SMARCAD1: variants seen among roughly 807,000 people sequenced by gnomAD.
SMARCAD1 encodes the protein SWI/SNF-related matrix-associated actin-dependent regulator of chromatin subfamily A containing DEAD/H box 1.
SMARCAD1 carries 25 observed loss-of-function variants against 127.1 expected under a neutral mutation model. The observed-to-expected ratio is 0.20, with a 90% CI of 0.14 to 0.27. SMARCAD1 has a LOEUF of 0.27. Among genes scored for constraint, SMARCAD1 ranks in the 10% least tolerant of loss-of-function variants. The pLI is 1.00. For synonymous variants in SMARCAD1, 400 were observed against 396.9 expected, an observed-to-expected ratio of 1.01 and a Z score of -0.09; for missense variants, 807 against 1,206.0, an observed-to-expected ratio of 0.67 and a Z score of 4.90.
chr4:94,254,663 ATTGT>A (rs1388002729), intron 9 of SMARCAD1, among the ~76,000 whole-genome samples: 1 of 152,122 alleles, frequency 6.6e-6, no homozygotes, highest in Non-Finnish European at 1.5e-5. Flanking sequence ...TAAAGACTAT[ATTGT>A]TTGTTCTAAC....
chr4:94,276,919 TTTTAA>T (rs780142335), intron 15 of SMARCAD1, 98 bp from the exon 16 acceptor site: 180 of 1,193,612 alleles, frequency 1.5e-4, no homozygotes, highest in Non-Finnish European at 2.1e-4. Flanking sequence ...TTAATAATGG[TTTTAA>T]TTTATCTCTC....
intron 6 of SMARCAD1, among the ~76,000 whole-genome samples, chr4:94,248,307 AC>A (rs1748766209): frequency 6.6e-6 from 1 of 152,236 alleles, no homozygotes; most frequent in East Asian, 1.9e-4. Context: ...TTATGTGTTT[AC>A]CACAATTTGT....
chr4:94,233,037 A>G (rs1421489886), intron 3 of SMARCAD1, among the ~76,000 whole-genome samples: 1 of 152,204 alleles, frequency 6.6e-6, no homozygotes, highest in Non-Finnish European at 1.5e-5. Flanking sequence ...AGATGTTCTT[A>G]GGCATCACAT....
At chr4:94,274,989 G>A (rs1370507424) in intron 14 of SMARCAD1, 24 bp downstream of exon 14, 1 of 1,519,602 alleles carries the variant, frequency 6.6e-7, no homozygotes, top group African/African-American at 1.4e-5. Context: ...AATTTGGGGA[G>A]GATGGATATT....
chr4:94,208,243 G>T, intron 1 of SMARCAD1, 103 bp from the exon 2 acceptor site: 1 of 811,868 alleles, frequency 1.2e-6, no homozygotes, highest in Non-Finnish European at 2.2e-6. Flanking sequence ...TGAGCCACTG[G>T]CATGTTTGCG....
Position 94,290,770 on chromosome 4 carries a change from TTTG to T in SMARCAD1, c.*1239_*1241del, listed in dbSNP as rs1219609744. The T allele has an allele frequency of 2.3e-6, 1 of 428,506 alleles. No homozygotes were observed. The allele number at this position is 428,506 out of a possible 1,614,324, so 26.5% of individuals were successfully genotyped here. A position where few individuals can be genotyped will look rare whatever the true frequency, so the allele number is the denominator to read the frequency against. On this transcript the variant is annotated 3_prime_UTR_variant, in exon 24 of 24. Transcript: ENST00000354268. ...TGTATAACTTGTGAGTTCCATGTGT[TTTG>T]TTTTTATTATGTAAATATCATTATA...
chr4:94,282,160 C>T (rs1236299937), intron 21 of SMARCAD1, among the ~76,000 whole-genome samples: 1 of 56,188 alleles, frequency 1.8e-5, no homozygotes, highest in African/African-American at 5.4e-5. Context: ...AGTGCAGTGG[C>T]GCGATCTCGG....
intron 2 of SMARCAD1, among the ~76,000 whole-genome samples, chr4:94,217,989 T>A (rs1743464519): frequency 6.6e-6 from 1 of 152,212 alleles, no homozygotes; most frequent in Non-Finnish European, 1.5e-5. Context: ...TGGGTTTCAG[T>A]CAAAAATGTT....
At chr4:94,260,421 G>A (rs1299714144) in intron 9 of SMARCAD1, among the ~76,000 whole-genome samples, 5 of 151,992 alleles carry the variant, frequency 3.3e-5, no homozygotes, top group African/African-American at 1.2e-4. Flanking sequence ...TTGGCTCACT[G>A]CAACCTCTGC....
In SMARCAD1 at chr4:94,274,939, TGAA is replaced by T; in HGVS notation, c.1785_1787del (p.Glu595del). The T allele has an allele frequency of 6.2e-7, 1 of 1,603,060 alleles. No homozygotes were observed. The highest frequency in any genetic ancestry group is 8.5e-7 in the Non-Finnish European group (1 of 1,171,162). The stretch of plus-strand genomic sequence containing the variant: ...TTAGATTTAACATTCATAGTAGATA[TGAA>T]GATTACAATGTAATTGTGACCACGT... On this transcript the variant is annotated inframe_deletion, in exon 14 of 24. Coordinates refer to ENST00000354268, the MANE Select transcript of SMARCAD1 (RefSeq NM_020159.5).
intron 2 of SMARCAD1, among the ~76,000 whole-genome samples, chr4:94,222,088 G>A (rs574004347): frequency 6.6e-6 from 1 of 152,208 alleles, no homozygotes; most frequent in African/African-American, 2.4e-5. Context: ...CTATATATTT[G>A]CCCTGGTACG....
At chr4:94,272,994 T>C (rs543020280) in intron 11 of SMARCAD1, among the ~76,000 whole-genome samples, 1 of 151,998 alleles carries the variant, frequency 6.6e-6, no homozygotes, top group African/African-American at 2.4e-5. Flanking sequence ...TTTGTAGAGA[T>C]GGAGTTTTGC....
chr4:94,219,273 G>C (rs937026623), intron 2 of SMARCAD1, among the ~76,000 whole-genome samples: 2 of 152,144 alleles, frequency 1.3e-5, no homozygotes, highest in Admixed American at 6.5e-5. Flanking sequence ...CTGCAAGACA[G>C]GTATAAAGGT....
rs1178905666 is a variant in SMARCAD1 at position 94,226,127 on chromosome 4, A to G, written c.199A>G (p.Ser67Gly). 1 of 1,609,332 alleles carries G rather than the reference A, an allele frequency of 6.2e-7. No individual in the cohort carries two copies. The highest frequency in any genetic ancestry group is 8.5e-7 in the Non-Finnish European group (1 of 1,176,266). Residue 67 changes from serine (S) to glycine (G), a missense_variant, in exon 3 of 24, where the codon AGT becomes GGT. By Grantham distance (56) the Ser-to-Gly change is moderately conservative. Around this residue, in one of 8 missense-constraint regions of SMARCAD1, gnomAD observed 175 missense variants for 169.5 expected, o/e 1.03. Transcript: ENST00000354268. ...TTTTTATTCTCTTGCAGAAGATTCT[A>G]GTGTTCCAGAAACTCCAGATAATGA... ...SDITEKTEDS[S>G]VPETPDNERK...
At chr4:94,245,961 CCAAAGACTTCATA>C (rs1748350091) in intron 6 of SMARCAD1, among the ~76,000 whole-genome samples, 1 of 152,148 alleles carries the variant, frequency 6.6e-6, no homozygotes, top group Non-Finnish European at 1.5e-5. Context: ...CTGGGGCTTG[CCAAAGACTTCATA>C]CAACATCCTT....
rs771470673 is a variant in SMARCAD1, at chr4:94,264,921, A to G, written c.1481+15A>G. 2 of 1,597,666 alleles carry G rather than the reference A, an allele frequency of 1.3e-6. No homozygotes were observed. The highest frequency in any genetic ancestry group is 2.7e-5 in the African/African-American group (2 of 74,560). On this transcript the variant is annotated intron_variant, in intron 10 of 23. Coordinates refer to ENST00000354268, the MANE Select transcript of SMARCAD1 (RefSeq NM_020159.5). ...CTAAACCAAAGGTAATCTTTGTTGAATATATTTATTCGTATTTTATCTCAA... is the reference window on the plus strand; with the variant it reads ...CTAAACCAAAGGTAATCTTTGTTGAGTATATTTATTCGTATTTTATCTCAA...
chr4:94,250,887 AGTATATAAGAAAATG>A, intron 8 of SMARCAD1, 54 bp downstream of exon 8: 3 of 1,369,960 alleles, frequency 2.2e-6, no homozygotes, highest in East Asian at 2.3e-5. Flanking sequence ...TCTGTATTTT[AGTATATAAGAAAATG>A]GTATATAAGA....
intron 9 of SMARCAD1, among the ~76,000 whole-genome samples, chr4:94,262,748 G>A (rs1386592711): frequency 2.0e-5 from 3 of 152,006 alleles, no homozygotes; most frequent in Admixed American, 2.0e-4. Flanking sequence ...TGTGATGAGT[G>A]CCCATGAACT....
chr4:94,261,659 C>T (rs1386388685), intron 9 of SMARCAD1, among the ~76,000 whole-genome samples: 1 of 152,200 alleles, frequency 6.6e-6, no homozygotes, highest in Admixed American at 6.5e-5. Flanking sequence ...ATCACCCAGG[C>T]TGGAATGCAG....
Sources: gnomAD v4.1 joint callset for allele counts (sites outside exome capture counted in the v4.1 genomes callset) on GRCh38, gnomAD v4.1.1 for gene constraint, gnomAD v4.1.1 regional missense constraint, MANE v1.5 for transcripts, NCBI Gene and HGNC (gene_info 2026-07-23, HGNC 2026-07-21) for gene names.